The following MAML3 variants were observed in gnomAD, a reference collection of about 807,000 sequenced individuals.
The protein encoded by MAML3 is mastermind-like protein 3.
MAML3 carries 27 observed loss-of-function variants against 101.9 expected under a neutral mutation model. That is an observed-to-expected ratio of 0.27 (90% CI 0.20 to 0.37). The LOEUF (loss-of-function observed/expected upper bound fraction) is 0.37, where lower values mean the gene tolerates loss of function less well. Among genes scored for constraint, MAML3 ranks in the 10% least tolerant of loss-of-function variants. MAML3 has a pLI of 1.00. For synonymous variants in MAML3, 501 were observed against 555.9 expected, an observed-to-expected ratio of 0.90 and a Z score of 1.39; for missense variants, 1,316 against 1,444.9, an observed-to-expected ratio of 0.91 and a Z score of 1.45.
At chr4:139,891,675 A>C in intron 1 of MAML3, among the ~76,000 whole-genome samples, 1 of 152,358 alleles carries the variant, frequency 6.6e-6, no homozygotes, top group South Asian at 2.1e-4. Flanking sequence ...CAAGGAATTA[A>C]ATCAACATTT....
intron 2 of MAML3, among the ~76,000 whole-genome samples, chr4:139,799,991 C>G (rs1164377304): frequency 1.3e-5 from 2 of 152,082 alleles, no homozygotes. Context: ...CAGGAAAAAG[C>G]TTAAATCTTT....
chr4:140,000,736 A>G (rs1734908127), intron 1 of MAML3, among the ~76,000 whole-genome samples: 1 of 152,138 alleles, frequency 6.6e-6, no homozygotes, highest in Non-Finnish European at 1.5e-5. Flanking sequence ...AAGACTTAAG[A>G]TTTGGCCTTG....
chr4:139,764,973 G>A (rs563230531), intron 2 of MAML3, among the ~76,000 whole-genome samples: 2 of 152,348 alleles, frequency 1.3e-5, no homozygotes, highest in African/African-American at 4.8e-5. Context: ...CTGAGACAGA[G>A]GTGAGCCCAG....
intron 1 of MAML3, among the ~76,000 whole-genome samples, chr4:140,046,436 G>A (rs551381271): frequency 3.4e-4 from 52 of 152,260 alleles, no homozygotes; most frequent in Non-Finnish European, 3.8e-4. Context: ...CCATCACCTA[G>A]GCTCTCCTGA....
chr4:139,922,296 C>A (rs1340826538), intron 1 of MAML3, among the ~76,000 whole-genome samples: 1 of 152,140 alleles, frequency 6.6e-6, no homozygotes, highest in African/African-American at 2.4e-5. Flanking sequence ...TTCTCACTCA[C>A]CTTTAATTCC....
intron 1 of MAML3, among the ~76,000 whole-genome samples, chr4:140,020,217 C>G (rs1338375503): frequency 1.3e-5 from 2 of 152,164 alleles, no homozygotes; most frequent in Non-Finnish European, 2.9e-5. Flanking sequence ...GCTATCTCAG[C>G]TGCTGTCATA....
intron 2 of MAML3, among the ~76,000 whole-genome samples, chr4:139,736,928 A>G (rs1052451243): frequency 2.0e-5 from 3 of 152,138 alleles, no homozygotes; most frequent in Non-Finnish European, 4.4e-5. Flanking sequence ...TTGGAACAAA[A>G]TTTTCAAAAT....
At chr4:139,798,214 A>G (rs530121354) in intron 2 of MAML3, among the ~76,000 whole-genome samples, 8 of 152,316 alleles carry the variant, frequency 5.3e-5, no homozygotes, top group Admixed American at 5.2e-4. Context: ...TAATACAATA[A>G]GAAAAAAATC....
chr4:139,939,066 C>T (rs755171020), intron 1 of MAML3, among the ~76,000 whole-genome samples: 46 of 152,160 alleles, frequency 3.0e-4, no homozygotes, highest in African/African-American at 1.0e-3. Context: ...TCTTTCCTTT[C>T]GGGAACACAT....
intron 1 of MAML3, among the ~76,000 whole-genome samples, chr4:140,076,653 T>C (rs1039318109): frequency 6.6e-6 from 1 of 152,196 alleles, no homozygotes; most frequent in Non-Finnish European, 1.5e-5. Flanking sequence ...TCTGAGCTAG[T>C]ATTTGGCCTC....
chr4:140,104,362 T>TTA (rs1209519227), intron 1 of MAML3, among the ~76,000 whole-genome samples: 8 of 76,692 alleles, frequency 1.0e-4, no homozygotes, highest in East Asian at 3.5e-4. Flanking sequence ...CAAACCTATT[T>TTA]TATATATATA....
intron 2 of MAML3, among the ~76,000 whole-genome samples, chr4:139,871,177 C>T (rs985696441): frequency 6.6e-6 from 1 of 152,134 alleles, no homozygotes; most frequent in Non-Finnish European, 1.5e-5. Context: ...TATGACATTC[C>T]TCAAGAAGTG....
In MAML3 at chr4:139,930,725, C is replaced by T. The variant is rs115790284; in HGVS notation, c.469-39758G>A. Among the ~76,000 whole-genome samples the T allele has an allele frequency of 9.2e-3, 1,396 of 152,244 alleles. 24 individuals are homozygous for T. Among genetic ancestry groups the T allele is most frequent in the African/African-American group, 0.03 (1,256 of 41,554 alleles). On this transcript the variant is annotated intron_variant, in intron 1 of 4. Transcript: ENST00000509479. ...TCTCTATGCTCTCAGGTACCCTCTT[C>T]GTAGTCCCTTTTTCTTATGTTTAAA...
intron 1 of MAML3, among the ~76,000 whole-genome samples, chr4:140,143,280 A>G (rs1729004971): frequency 1.3e-5 from 2 of 152,172 alleles, no homozygotes; most frequent in African/African-American, 4.8e-5. Flanking sequence ...TGTTCAGGAG[A>G]CGTTGGCTTG....
intron 1 of MAML3, among the ~76,000 whole-genome samples, chr4:140,074,346 C>CCCCTGGT (rs1311890508): frequency 4.6e-5 from 7 of 152,234 alleles, no homozygotes; most frequent in Admixed American, 2.6e-4. Context: ...TACCAGCAAC[C>CCCCTGGT]CCCTGGTCCT....
At chr4:139,798,634 T>A (rs2111099924) in intron 2 of MAML3, among the ~76,000 whole-genome samples, 1 of 152,334 alleles carries the variant, frequency 6.6e-6, no homozygotes, top group South Asian at 2.1e-4. Flanking sequence ...GAATCTCCCT[T>A]ATGCATGTGT....
At chr4:139,800,183 G>C (rs755765683) in intron 2 of MAML3, among the ~76,000 whole-genome samples, 1 of 152,010 alleles carries the variant, frequency 6.6e-6, no homozygotes, top group African/African-American at 2.4e-5. Flanking sequence ...TGCATCAACC[G>C]AAGTAAATAT....
intron 1 of MAML3, among the ~76,000 whole-genome samples, chr4:140,026,802 G>A (rs1286570780): frequency 2.6e-5 from 4 of 151,864 alleles, no homozygotes; most frequent in Admixed American, 6.6e-5. Flanking sequence ...TTCTAATTCC[G>A]CATAAACACC....
At chr4:139,916,234 G>A (rs910473917) in intron 1 of MAML3, among the ~76,000 whole-genome samples, 1 of 151,958 alleles carries the variant, frequency 6.6e-6, no homozygotes, top group African/African-American at 2.4e-5. Flanking sequence ...CCTGAGATAG[G>A]AAAAAAAGGA....
Sources: allele counts gnomAD v4.1 joint callset (sites outside exome capture counted in the v4.1 genomes callset), GRCh38; gene constraint gnomAD v4.1.1; transcripts MANE v1.5; gene names NCBI Gene and HGNC (gene_info 2026-07-23, HGNC 2026-07-21).